The following PIGR variants were observed in gnomAD, a reference collection of about 807,000 sequenced individuals.
PIGR encodes polymeric immunoglobulin receptor, also known as hepatocellular carcinoma associated protein TB6.
A neutral mutation model predicts 69.5 loss-of-function variants in PIGR; 22 were observed. The observed-to-expected ratio is 0.32, with a 90% CI of 0.23 to 0.45. The LOEUF (loss-of-function observed/expected upper bound fraction) is 0.45, where lower values mean the gene tolerates loss of function less well. Among genes scored for constraint, PIGR ranks in the 20% least tolerant of loss-of-function variants. The probability of loss-of-function intolerance (pLI) is 1.00; values close to 1 mark genes in which losing one functional copy is unlikely to be tolerated. For missense variants in PIGR, 885 were observed against 974.0 expected, an observed-to-expected ratio of 0.91 and a Z score of 1.22; for synonymous variants, 413 against 407.6, an observed-to-expected ratio of 1.01 and a Z score of -0.16.
Position 206,931,646 on chromosome 1 carries a change from G to A in PIGR, c.2140+25C>T, listed in dbSNP as rs369051957. On this transcript the variant is annotated intron_variant, in intron 9 of 10. Transcript: ENST00000356495. ...AATTCTTACTCTCCCCAGGGGCTGAGCATTCCCTTGAGTGAGGGTCATACC... is the reference window on the plus strand; with the variant it reads ...AATTCTTACTCTCCCCAGGGGCTGAACATTCCCTTGAGTGAGGGTCATACC... 6.2e-6 allele frequency: 10 copies of A among 1,613,960 alleles called. No individual in the cohort carries two copies. The African/African-American group carries it at 8.0e-5, about 13-fold the overall frequency.
chr1:206,945,595 A>G (rs773006103), intron 1 of PIGR, among the ~76,000 whole-genome samples: 1 of 152,206 alleles, frequency 6.6e-6, no homozygotes, highest in Non-Finnish European at 1.5e-5. Context: ...TGATGCGATG[A>G]CACACATTTA....
rs754170263 is a variant in PIGR at position 206,937,515 on chromosome 1, G to C, written c.625C>G (p.Gln209Glu). ...TGCCCAGCATCGCTGAGCCTGAGTT[G>C]GTTGATGACAACGCTGAACAGTAAC... is the stretch of plus-strand genomic sequence containing the variant. ...GQLLFSVVINQLRLSDAGQYL... is the reference protein window; with the variant it reads ...GQLLFSVVINELRLSDAGQYL... The change falls in exon 4 of 11, where the codon CAA becomes GAA. Residue 209 changes from glutamine to glutamate, a missense_variant. Gln to Glu is a conservative substitution (Grantham distance 29, BLOSUM62 2). Coordinates refer to ENST00000356495, the MANE Select transcript of PIGR (RefSeq NM_002644.4). 5 of 1,614,192 alleles carry C rather than the reference G, an allele frequency of 3.1e-6. No homozygotes were observed. Among genetic ancestry groups the C allele is most frequent in the South Asian group, 2.2e-5 (2 of 91,082 alleles).
chr1:206,930,663 C>T lies in PIGR; in HGVS notation c.2200-250G>A, dbSNP rs2102595773. On this transcript the variant is annotated intron_variant, in intron 10 of 10. Transcript: ENST00000356495. This position sits in a 1 kb window ranked among gnomAD's most constrained non-coding sequence, Gnocchi z 4.3. ...CCTTCTGACACACGGAGTGGAACCG[C>T]CTCTGTTGCCCGGGCCTGTCCCCGG... 1.0e-6 allele frequency: 1 copy of T among 985,404 alleles called. No homozygotes were observed. Among genetic ancestry groups the T allele is most frequent in the South Asian group, 4.7e-5 (1 of 21,282 alleles). The allele number at this position is 985,404 out of a possible 1,614,324, so 61.0% of individuals were successfully genotyped here.
chr1:206,946,248 T>C (rs929696116), intron 1 of PIGR, 88 bp downstream of exon 1: 1 of 152,242 alleles, frequency 6.6e-6, no homozygotes, highest in Admixed American at 6.6e-5. Flanking sequence ...AGACTGGGAG[T>C]TGGGAATGGA....
rs1332891904 is a variant in PIGR at position 206,939,430 on chromosome 1, T to C, written c.77A>G (p.Glu26Gly). The change falls in exon 3 of 11, where the codon GAG (glutamate) becomes GGG (glycine). Residue 26 changes from glutamate (E) to glycine (G), a missense_variant. By Grantham distance (98) the Glu-to-Gly change is moderately conservative. Coordinates refer to ENST00000356495, the MANE Select transcript of PIGR (RefSeq NM_002644.4). ...GTTACCTTCCACACTATTCACCTCCTCGGGACCAAATATGGGACTCTTCGT... is the reference window on the plus strand; with the variant it reads ...GTTACCTTCCACACTATTCACCTCCCCGGGACCAAATATGGGACTCTTCGT... ...ISTKSPIFGP[E>G]EVNSVEGNSV... 6.2e-7 allele frequency: 1 copy of C among 1,609,280 alleles called. No homozygotes were observed. The highest frequency in any genetic ancestry group is 8.5e-7 in the Non-Finnish European group (1 of 1,176,000).
Position 206,937,188 on chromosome 1 carries a change from C to T in PIGR, c.952G>A (p.Glu318Lys), listed in dbSNP as rs752661105. ...FSVVITGLRKEDAGRYLCGAH... is the reference protein window; with the variant it reads ...FSVVITGLRKKDAGRYLCGAH... ...CCACACAGGTAGCGCCCTGCATCCTCCTTCCTCAGGCCTGTGATCACCACA... is the reference window on the plus strand; with the variant it reads ...CCACACAGGTAGCGCCCTGCATCCTTCTTCCTCAGGCCTGTGATCACCACA... Residue 318 changes from glutamate to lysine, a missense_variant, in exon 4 of 11, where the codon GAG becomes AAG. Glu to Lys is a moderately conservative substitution (Grantham distance 56). Coordinates refer to ENST00000356495, the MANE Select transcript of PIGR (RefSeq NM_002644.4). 6.2e-7 allele frequency: 1 copy of T among 1,614,204 alleles called. No homozygotes were observed. The highest frequency in any genetic ancestry group is 1.1e-5 in the South Asian group (1 of 91,080).
chr1:206,938,978 C>G (rs1461041443), intron 3 of PIGR, 141 bp downstream of exon 3: 1 of 678,756 alleles, frequency 1.5e-6, no homozygotes, highest in Non-Finnish European at 2.5e-6. Context: ...TTAAAGAAGT[C>G]TTTGCCTGGG....
intron 6 of PIGR, among the ~76,000 whole-genome samples, chr1:206,933,873 C>CTT (rs576649135): frequency 7.1e-6 from 1 of 140,662 alleles, no homozygotes; most frequent in Non-Finnish European, 1.6e-5. Flanking sequence ...TGGGACTTGT[C>CTT]TTTTTTTTTT....
At chr1:206,934,850 T>C (rs1406970837) in intron 5 of PIGR, 104 bp from the exon 6 acceptor site, 4 of 620,878 alleles carry the variant, frequency 6.4e-6, no homozygotes, top group Non-Finnish European at 1.0e-5. Flanking sequence ...CATATACATA[T>C]ATATATATAT....
In PIGR at chr1:206,934,655, C is replaced by T. The variant is rs138739564; in HGVS notation, c.1470G>A (p.Ser490=). The T allele has an allele frequency of 2.8e-4, 455 of 1,614,112 alleles. 1 individual carries two copies. The highest frequency in any genetic ancestry group is 9.0e-4 in the Admixed American group (54 of 60,026). The stretch of plus-strand genomic sequence containing the variant: ...TCCACTTGCACCAGTATTTCTCGTA[C>T]GAGGAGAATTTGCATGGAAAGTGAC... ...VPCHFPCKFS[S]YEKYWCKWNN... Residue 490 remains serine (S), a synonymous_variant, in exon 6 of 11, where the codon TCG becomes TCA. Coordinates refer to ENST00000356495, the MANE Select transcript of PIGR (RefSeq NM_002644.4).
chr1:206,934,518 C>T lies in PIGR; in HGVS notation c.1607G>A (p.Arg536Lys), dbSNP rs1315744287. 6.2e-6 allele frequency: 10 copies of T among 1,614,256 alleles called. No individual in the cohort carries two copies. In the South Asian group the frequency reaches 9.9e-5, roughly 16 times the overall value. ...ACACCAGTACCAGCCCTCATCAGCCCTGGTCACCAGGTTCAGGGTCAGGGA... is the reference window on the plus strand; with the variant it reads ...ACACCAGTACCAGCCCTCATCAGCCTTGGTCACCAGGTTCAGGGTCAGGGA... Reference protein sequence around the residue: ...LVSLTLNLVTRADEGWYWCGV... With the variant: ...LVSLTLNLVTKADEGWYWCGV... The change falls in exon 6 of 11, where the codon AGG (arginine) becomes AAG (lysine). Residue 536 changes from arginine to lysine, a missense_variant. Arg to Lys is a conservative substitution (Grantham distance 26). Transcript: ENST00000356495.
chr1:206,935,781 C>G lies in PIGR; in HGVS notation c.1083G>C (p.Gly361=), dbSNP rs769898694. 1 of 1,611,418 alleles carries G rather than the reference C, an allele frequency of 6.2e-7. No individual in the cohort carries two copies. The highest frequency in any genetic ancestry group is 8.5e-7 in the Non-Finnish European group (1 of 1,177,990). ...GCACGGCCACAGAGCCTCCTGCCACCCCCTTCACCACAGTGGGGCTGCGGG... is the reference window on the plus strand; with the variant it reads ...GCACGGCCACAGAGCCTCCTGCCACGCCCTTCACCACAGTGGGGCTGCGGG... ...TIPRSPTVVK[G]VAGGSVAVLC... Residue 361 remains glycine (G), a synonymous_variant, in exon 5 of 11, where the codon GGG becomes GGC. Transcript: ENST00000356495. This position sits in a 1 kb window ranked among gnomAD's most constrained non-coding sequence, Gnocchi z 4.4.
chr1:206,943,370 T>G (rs1486529169), intron 1 of PIGR, among the ~76,000 whole-genome samples: 1 of 152,102 alleles, frequency 6.6e-6, no homozygotes, highest in Admixed American at 6.5e-5. Flanking sequence ...GGGACCTGCT[T>G]TATTGGGTTT....
Position 206,930,309 on chromosome 1 carries a change from C to T in PIGR, c.*9G>A, listed in dbSNP as rs762749747. The T allele has an allele frequency of 1.9e-5, 31 of 1,606,142 alleles. 1 individual carries two copies. The Middle Eastern group carries it at 5.0e-4, about 26-fold the overall frequency. On this transcript the variant is annotated 3_prime_UTR_variant, in exon 11 of 11. Transcript: ENST00000356495. The surrounding 1 kb of genome is among the most constrained non-coding windows in gnomAD (Gnocchi z 4.3). ...TGTCATGGGTGCAGGGAGCAGGCGG[C>T]GACACCGTCTAGGCTTCCTGGGGGC...
chr1:206,940,886 A>G (rs1679969646), intron 1 of PIGR, among the ~76,000 whole-genome samples: 1 of 152,194 alleles, frequency 6.6e-6, no homozygotes, highest in African/African-American at 2.4e-5. Flanking sequence ...TCCCAGGCAC[A>G]CCGTAAGATC....
chr1:206,930,668 G>C lies in PIGR; in HGVS notation c.2200-255C>G. 3.0e-6 allele frequency: 3 copies of C among 985,410 alleles called. No homozygotes were observed. Among genetic ancestry groups the C allele is most frequent in the Non-Finnish European group, 3.6e-6 (3 of 829,928 alleles). 61.0% of individuals were successfully genotyped at this position (985,410 alleles called of 1,614,324 possible). On this transcript the variant is annotated intron_variant, in intron 10 of 10. Transcript: ENST00000356495. This position sits in a 1 kb window ranked among gnomAD's most constrained non-coding sequence, Gnocchi z 4.3. Reference sequence around the variant, plus strand: ...TGACACACGGAGTGGAACCGCCTCTGTTGCCCGGGCCTGTCCCCGGAAGCT... The same window carrying C: ...TGACACACGGAGTGGAACCGCCTCTCTTGCCCGGGCCTGTCCCCGGAAGCT...
Position 206,930,262 on chromosome 1 carries a change from T to G in PIGR, c.*56A>C. 3.4e-6 allele frequency: 5 copies of G among 1,490,022 alleles called. No homozygotes were observed. Among genetic ancestry groups the G allele is most frequent in the Non-Finnish European group, 4.6e-6 (5 of 1,096,302 alleles). 92.3% of individuals were successfully genotyped at this position (1,490,022 alleles called of 1,614,324 possible). A position where few individuals can be genotyped will look rare whatever the true frequency, so the allele number is the denominator to read the frequency against. ...TCCCCAGGAGCTGAGGGCCCCAGGA[T>G]CGACATGATTCTGAAGGTGATTGTC... On this transcript the variant is annotated 3_prime_UTR_variant, in exon 11 of 11. Transcript: ENST00000356495. This position sits in a 1 kb window ranked among gnomAD's most constrained non-coding sequence, Gnocchi z 4.3.
rs773604801 is a variant in PIGR, at chr1:206,933,145, G to T, written c.1727C>A (p.Ala576Glu). 2.5e-6 allele frequency: 4 copies of T among 1,614,004 alleles called. No homozygotes were observed. The South Asian group carries it at 3.3e-5, about 13-fold the overall frequency. The change falls in exon 7 of 11, where the codon GCG becomes GAG. Residue 576 changes from alanine to glutamate, a missense_variant. By Grantham distance (107) the Ala-to-Glu change is moderately radical. Transcript: ENST00000356495. The stretch of plus-strand genomic sequence containing the variant: ...CTCATCAGGAGCAGCGTCTGCCTTC[G>T]CTAGGCTGACATCGCGGGACCCTGC... ...KAAGSRDVSL[A>E]KADAAPDEKV...
intron 1 of PIGR, among the ~76,000 whole-genome samples, 183 bp downstream of exon 1, chr1:206,946,153 G>T (rs117555468): frequency 6.6e-6 from 1 of 152,040 alleles, no homozygotes; most frequent in Non-Finnish European, 1.5e-5. Context: ...ATCCCTACTC[G>T]TCCCACTGCG....
Sources: gnomAD v4.1 joint callset for allele counts (sites outside exome capture counted in the v4.1 genomes callset) on GRCh38, gnomAD v4.1.1 for gene constraint, Gnocchi (gnomAD v3.1) non-coding constraint, MANE v1.5 for transcripts, NCBI Gene and HGNC (gene_info 2026-07-23, HGNC 2026-07-21) for gene names.